The following ATOSA variants were observed in gnomAD, a reference collection of about 807,000 sequenced individuals.
The protein encoded by ATOSA is atos homolog protein A.
At chr15:52,662,542 G>A in the ATOSA span, among the ~76,000 whole-genome samples, 645 of 152,138 alleles carry the variant, frequency 4.2e-3, 3 homozygotes, top group Non-Finnish European at 7.4e-3. Context: ...AGGCCAAGGA[G>A]GGCGGATCAC....
chr15:52,601,127 C>T, the ATOSA span: 1 of 1,541,492 alleles, frequency 6.5e-7, no homozygotes, highest in Non-Finnish European at 8.7e-7. Context: ...ATGAAGAATC[C>T]AGATCAAAGC....
the ATOSA span, among the ~76,000 whole-genome samples, chr15:52,603,375 A>G: frequency 6.6e-6 from 1 of 152,192 alleles, no homozygotes; most frequent in Non-Finnish European, 1.5e-5. Flanking sequence ...ATACACTGTT[A>G]GTGGGAATGT....
chr15:52,693,798 C>G, the ATOSA span, among the ~76,000 whole-genome samples: 3 of 152,150 alleles, frequency 2.0e-5, no homozygotes, highest in African/African-American at 7.2e-5. Flanking sequence ...ACACTTGGCA[C>G]AGTGAAATGC....
the ATOSA span, among the ~76,000 whole-genome samples, chr15:52,662,764 C>T: frequency 5.3e-5 from 7 of 132,686 alleles, no homozygotes; most frequent in African/African-American, 1.2e-4. Flanking sequence ...AGCAAGACTC[C>T]GTCTCAAAAA....
chr15:52,600,897 T>TATCATC, the ATOSA span, among the ~76,000 whole-genome samples: 1 of 152,008 alleles, frequency 6.6e-6, no homozygotes, highest in Non-Finnish European at 1.5e-5. Flanking sequence ...ATGACCACTA[T>TATCATC]ATAGTTGCTA....
At chr15:52,690,848 A>G in the ATOSA span, among the ~76,000 whole-genome samples, 11 of 152,240 alleles carry the variant, frequency 7.2e-5, no homozygotes, top group African/African-American at 2.7e-4. Context: ...GAAAATAAAG[A>G]TACAGGTGAT....
chr15:52,610,454 T>A, the ATOSA span: 2 of 1,460,324 alleles, frequency 1.4e-6, no homozygotes, highest in Non-Finnish European at 1.8e-6. Context: ...TATATTATTT[T>A]AAATGTAAAG....
the ATOSA span, among the ~76,000 whole-genome samples, chr15:52,640,815 CAG>C: frequency 9.9e-5 from 15 of 151,580 alleles, no homozygotes; most frequent in Non-Finnish European, 1.5e-4. Context: ...TATGGGGTAA[CAG>C]TGTGATGTTT....
chr15:52,632,222 T>C, the ATOSA span, among the ~76,000 whole-genome samples: 1 of 152,226 alleles, frequency 6.6e-6, no homozygotes, highest in Non-Finnish European at 1.5e-5. Flanking sequence ...AAATATTGAC[T>C]ACAACTTAAG....
At chr15:52,689,399 A>G in the ATOSA span, among the ~76,000 whole-genome samples, 741 of 152,294 alleles carry the variant, frequency 4.9e-3, 9 homozygotes, top group African/African-American at 0.017. Flanking sequence ...CTGGGTATTG[A>G]TGTCTTGTCT....
chr15:52,708,515 A>G, the ATOSA span, among the ~76,000 whole-genome samples: 3 of 152,160 alleles, frequency 2.0e-5, no homozygotes, highest in Non-Finnish European at 4.4e-5. Context: ...TCAAGGTATG[A>G]TTACTGAATT....
At chr15:52,608,504 T>C in the ATOSA span, 1 of 1,491,414 alleles carries the variant, frequency 6.7e-7, no homozygotes, top group Non-Finnish European at 8.9e-7. Context: ...AGATCTCCTG[T>C]GAACAAAATT....
chr15:52,624,765 T>G, the ATOSA span, among the ~76,000 whole-genome samples: 3 of 149,766 alleles, frequency 2.0e-5, no homozygotes, highest in Non-Finnish European at 4.4e-5. Context: ...CTCAAAGGAA[T>G]ATGTGTACCT....
the ATOSA span, among the ~76,000 whole-genome samples, chr15:52,674,206 A>G: frequency 2.6e-5 from 4 of 152,174 alleles, no homozygotes; most frequent in Non-Finnish European, 4.4e-5. Context: ...CCTCTACACT[A>G]AGACCACATT....
At chr15:52,637,554 A>G in the ATOSA span, among the ~76,000 whole-genome samples, 2 of 152,170 alleles carry the variant, frequency 1.3e-5, no homozygotes, top group African/African-American at 4.8e-5. Flanking sequence ...CCTCACTGCC[A>G]ATACTACTAA....
the ATOSA span, among the ~76,000 whole-genome samples, chr15:52,645,562 G>C: frequency 6.6e-6 from 1 of 152,180 alleles, no homozygotes; most frequent in Non-Finnish European, 1.5e-5. Context: ...CTCCCAGTGG[G>C]TATGATATCT....
At chr15:52,699,369 A>G in the ATOSA span, among the ~76,000 whole-genome samples, 1 of 152,200 alleles carries the variant, frequency 6.6e-6, no homozygotes, top group Non-Finnish European at 1.5e-5. Context: ...AAGTTCCAAC[A>G]TTCCCACATC....
chr15:52,646,494 C>T, the ATOSA span, among the ~76,000 whole-genome samples: 3 of 152,214 alleles, frequency 2.0e-5, no homozygotes, highest in Admixed American at 2.0e-4. Flanking sequence ...CAGGCTGGTC[C>T]TTTTGTGCTA....
the ATOSA span, among the ~76,000 whole-genome samples, chr15:52,676,085 G>A: frequency 5.3e-5 from 8 of 152,258 alleles, no homozygotes; most frequent in African/African-American, 1.9e-4. Flanking sequence ...AAGATAGGCT[G>A]AGATGGTTTA....
Sources: allele counts gnomAD v4.1 joint callset (sites outside exome capture counted in the v4.1 genomes callset), GRCh38; gene constraint gnomAD v4.1.1; transcripts MANE v1.5; gene names NCBI Gene and HGNC (gene_info 2026-07-23, HGNC 2026-07-21).